STK31: variants seen among roughly 807,000 people sequenced by gnomAD.
STK31 encodes serine/threonine kinase 31.
A neutral mutation model predicts 129.7 loss-of-function variants in STK31; 89 were observed. The ratio of observed to expected loss-of-function variants is 0.69; its 90% CI spans 0.58 to 0.82. The LOEUF is 0.82. Ranked by LOEUF, STK31 falls within the 40% of genes least tolerant of loss-of-function variation. STK31 has a pLI of 0.00. For synonymous variants in STK31, 448 were observed against 395.3 expected (o/e 1.13, Z -1.58); for missense variants, 1,187 against 1,176.4 (o/e 1.01, Z -0.13).
Position 23,761,673 on chromosome 7 carries a change from G to A in STK31, c.1294-1128G>A, listed in dbSNP as rs529027837. ...TCCGCCTGCCTCGGCCTCCCAAAGT[G>A]CTGGGATTACAGGCGTGGGCCACCG... On this transcript the variant is annotated intron_variant, in intron 10 of 23. Transcript: ENST00000355870. Among the ~76,000 whole-genome samples, 353 of 150,722 alleles carry A rather than the reference G, an allele frequency of 2.3e-3. 2 individuals are homozygous for A. The highest frequency in any genetic ancestry group is 8.3e-3 in the African/African-American group (341 of 41,222).
intron 20 of STK31, 61 bp from the exon 21 acceptor site, chr7:23,787,919 A>G (rs574240017): frequency 1.5e-4 from 220 of 1,423,608 alleles, no homozygotes; most frequent in Non-Finnish European, 1.9e-4. Flanking sequence ...ATTAGAGAAC[A>G]GTTTCAAGAT....
intron 15 of STK31, among the ~76,000 whole-genome samples, chr7:23,778,384 T>TC (rs1322288035): frequency 6.6e-6 from 1 of 152,196 alleles, no homozygotes; most frequent in African/African-American, 2.4e-5. Context: ...TGTTGACCTG[T>TC]CCTGCTAGGT....
chr7:23,795,689 A>G (rs1215244365), intron 22 of STK31, among the ~76,000 whole-genome samples: 2 of 152,246 alleles, frequency 1.3e-5, no homozygotes. Context: ...ACTGGGGCAG[A>G]GCTGCCCAAG....
intron 11 of STK31, among the ~76,000 whole-genome samples, chr7:23,766,756 A>G (rs1308507752): frequency 2.0e-5 from 3 of 152,166 alleles, no homozygotes; most frequent in Non-Finnish European, 4.4e-5. Context: ...ATTTATTGAG[A>G]TACTTCTCTC....
intron 6 of STK31, among the ~76,000 whole-genome samples, chr7:23,729,892 A>G (rs1787301399): frequency 6.6e-6 from 1 of 152,236 alleles, no homozygotes; most frequent in African/African-American, 2.4e-5. Context: ...ATTAAATAAA[A>G]GTGATCTTTA....
intron 23 of STK31, among the ~76,000 whole-genome samples, chr7:23,828,065 T>C (rs1794289208): frequency 6.6e-6 from 1 of 152,254 alleles, no homozygotes; most frequent in Non-Finnish European, 1.5e-5. Flanking sequence ...GGAGGCAGTC[T>C]GCCTGTTCTC....
intron 15 of STK31, among the ~76,000 whole-genome samples, chr7:23,779,537 C>G (rs1364123196): frequency 1.3e-5 from 2 of 152,168 alleles, no homozygotes; most frequent in Non-Finnish European, 2.9e-5. Context: ...GATGCCCTGC[C>G]CAGAAAGGAA....
chr7:23,757,228 C>G (rs1299393982), intron 10 of STK31, among the ~76,000 whole-genome samples: 2 of 152,044 alleles, frequency 1.3e-5, no homozygotes, highest in African/African-American at 4.8e-5. Flanking sequence ...CCAGCCCCTG[C>G]ACACCTGTGG....
intron 16 of STK31, among the ~76,000 whole-genome samples, chr7:23,782,342 T>G (rs1790981433): frequency 6.6e-6 from 1 of 151,368 alleles, no homozygotes; most frequent in East Asian, 2.0e-4. Flanking sequence ...CATGGTGTCA[T>G]GTACCTGTAG....
chr7:23,743,156 G>T (rs187967860), intron 8 of STK31, among the ~76,000 whole-genome samples: 1 of 150,758 alleles, frequency 6.6e-6, no homozygotes, highest in East Asian at 1.9e-4. Context: ...GTTTCACCAT[G>T]TTGGCCAGGC....
At chr7:23,742,709 C>T (rs1788121017) in intron 8 of STK31, among the ~76,000 whole-genome samples, 1 of 152,172 alleles carries the variant, frequency 6.6e-6, no homozygotes, top group Admixed American at 6.5e-5. Context: ...TTTCTTACTT[C>T]TGGGGCTTTC....
intron 6 of STK31, among the ~76,000 whole-genome samples, chr7:23,730,876 A>ATTTTTTTT (rs1490417846): frequency 1.7e-5 from 1 of 59,980 alleles, no homozygotes; most frequent in Non-Finnish European, 3.4e-5. Flanking sequence ...ATATATATAT[A>ATTTTTTTT]TATTTTTTTT....
intron 23 of STK31, among the ~76,000 whole-genome samples, chr7:23,824,799 T>C (rs1794019793): frequency 6.6e-6 from 1 of 151,478 alleles, no homozygotes; most frequent in South Asian, 2.1e-4. Flanking sequence ...TGAGAGTCTT[T>C]AGCATGAAGC....
At chr7:23,715,137 T>C (rs1786225089) in intron 3 of STK31, among the ~76,000 whole-genome samples, 1 of 152,178 alleles carries the variant, frequency 6.6e-6, no homozygotes, top group South Asian at 2.1e-4. Context: ...GATATAGGCA[T>C]AGAGAAGACT....
Position 23,832,225 on chromosome 7 carries a change from G to T in STK31, c.2919G>T (p.Leu973Phe), listed in dbSNP as rs778429061. Residue 973 changes from leucine to phenylalanine, a missense_variant, in exon 24 of 24, where the codon TTG (leucine) becomes TTT (phenylalanine). Physicochemically the swap from Leu to Phe is conservative, Grantham distance 22. Transcript: ENST00000355870. Reference sequence around the variant, plus strand: ...AAGTTTTAAATGCTGAATGTTTCTTGATGCCAAAGGAGCAATCAGTTCCAA... The same window carrying T: ...AAGTTTTAAATGCTGAATGTTTCTTTATGCCAAAGGAGCAATCAGTTCCAA... ...AEQVLNAECF[L>F]MPKEQSVPNP... 1.9e-6 allele frequency: 3 copies of T among 1,614,048 alleles called. No individual in the cohort carries two copies. The highest frequency in any genetic ancestry group is 1.1e-5 in the South Asian group (1 of 91,086).
At position 23,717,539 on chromosome 7, in the gene STK31, C is replaced by G. The variant is rs753375169; in HGVS notation, c.209C>G (p.Pro70Arg). 2 of 1,613,048 alleles carry G rather than the reference C, an allele frequency of 1.2e-6. No homozygotes were observed. Among genetic ancestry groups the G allele is most frequent in the Admixed American group, 3.3e-5 (2 of 59,896 alleles). ...GGTTGCTCACTGTCTGAAGTTTGCCCCCAGGCCAGTTCAGTTTTGGGGAAT... is the reference window on the plus strand; with the variant it reads ...GGTTGCTCACTGTCTGAAGTTTGCCGCCAGGCCAGTTCAGTTTTGGGGAAT... ...KIGCSLSEVC[P>R]QASSVLGNLD... The change falls in exon 4 of 24, where the codon CCC becomes CGC. Residue 70 changes from proline (P) to arginine (R), a missense_variant. This residue lies in a region of STK31 where 104 missense variants were observed against 98.3 expected (regional missense o/e 1.06). Coordinates refer to ENST00000355870, the MANE Select transcript of STK31 (RefSeq NM_031414.5).
At chr7:23,793,256 T>C (rs1791750064) in intron 22 of STK31, among the ~76,000 whole-genome samples, 1 of 152,208 alleles carries the variant, frequency 6.6e-6, no homozygotes, top group Non-Finnish European at 1.5e-5. Flanking sequence ...GCTCAAAATG[T>C]GTATCAGACC....
At chr7:23,775,907 A>G (rs962671688) in intron 15 of STK31, among the ~76,000 whole-genome samples, 1 of 152,068 alleles carries the variant, frequency 6.6e-6, no homozygotes, top group Non-Finnish European at 1.5e-5. Context: ...TGTCCTGGTG[A>G]CAGTTGTCAA....
At chr7:23,815,847 A>C (rs1793438019) in intron 23 of STK31, among the ~76,000 whole-genome samples, 1 of 151,530 alleles carries the variant, frequency 6.6e-6, no homozygotes, top group Non-Finnish European at 1.5e-5. Flanking sequence ...GGGGAAGCTG[A>C]TTTTTAGTTC....
Sources: allele counts gnomAD v4.1 joint callset (sites outside exome capture counted in the v4.1 genomes callset), GRCh38; gene constraint gnomAD v4.1.1; regional missense constraint gnomAD v4.1.1; transcripts MANE v1.5; gene names NCBI Gene and HGNC (gene_info 2026-07-23, HGNC 2026-07-21).